The following RALGAPA2 variants were observed in gnomAD, a reference collection of about 807,000 sequenced individuals.
RALGAPA2 encodes Ral GTPase activating protein catalytic subunit alpha 2, also known as ral GTPase-activating protein subunit alpha-2.
In RALGAPA2, 139 loss-of-function variants were observed where a neutral mutation model predicts 230.4. The ratio of observed to expected loss-of-function variants is 0.60; its 90% CI spans 0.53 to 0.69. The LOEUF is 0.69. Ranked by LOEUF, RALGAPA2 falls within the 30% of genes least tolerant of loss-of-function variation. The pLI, the probability that RALGAPA2 is intolerant of heterozygous loss-of-function variation, is 0.00. For missense variants in RALGAPA2, 2,163 were observed against 2,276.0 expected (o/e 0.95, Z 1.01); for synonymous variants, 847 against 837.8 (o/e 1.01, Z -0.19).
At chr20:20,515,120 C>T (rs2062828615) in intron 31 of RALGAPA2, among the ~76,000 whole-genome samples, 1 of 152,232 alleles carries the variant, frequency 6.6e-6, no homozygotes, top group South Asian at 2.1e-4. Context: ...CCATGGACCA[C>T]TCCATTGCCT....
At chr20:20,639,669 C>A in intron 7 of RALGAPA2, 116 bp downstream of exon 7, 1 of 738,214 alleles carries the variant, frequency 1.4e-6, no homozygotes, top group Non-Finnish European at 2.2e-6. Flanking sequence ...CACATAAAAT[C>A]ACCTCAAAGA....
intron 1 of RALGAPA2, among the ~76,000 whole-genome samples, chr20:20,698,450 C>T (rs1568769878): frequency 6.6e-6 from 1 of 152,038 alleles, no homozygotes; most frequent in Admixed American, 6.6e-5. Flanking sequence ...AGTGTGGTGG[C>T]ACGATCTTGG....
chr20:20,575,060 G>A (rs1294328411), intron 20 of RALGAPA2, among the ~76,000 whole-genome samples: 1 of 152,100 alleles, frequency 6.6e-6, no homozygotes, highest in Non-Finnish European at 1.5e-5. Context: ...TGACCCCCAG[G>A]TATGACTCTC....
At chr20:20,558,409 T>G (rs1421805413) in intron 23 of RALGAPA2, among the ~76,000 whole-genome samples, 1 of 152,224 alleles carries the variant, frequency 6.6e-6, no homozygotes, top group Admixed American at 6.5e-5. Context: ...ATAACACCTT[T>G]TAAAACTATA....
chr20:20,637,288 A>G (rs1415861571), intron 8 of RALGAPA2, 75 bp downstream of exon 8: 6 of 1,205,522 alleles, frequency 5.0e-6, no homozygotes, highest in Non-Finnish European at 6.7e-6. Flanking sequence ...CTTTAAAATA[A>G]TCAAAGGTCA....
intron 12 of RALGAPA2, among the ~76,000 whole-genome samples, chr20:20,618,852 C>T (rs1195504856): frequency 6.6e-6 from 1 of 152,150 alleles, no homozygotes; most frequent in Admixed American, 6.5e-5. Context: ...AAAACTACAT[C>T]AGTCATTGTT....
At chr20:20,424,126 T>G (rs773745858) in intron 37 of RALGAPA2, among the ~76,000 whole-genome samples, 20 of 152,358 alleles carry the variant, frequency 1.3e-4, no homozygotes, top group Non-Finnish European at 2.4e-4. Flanking sequence ...GGATTTGGAC[T>G]ATGCTGTTAT....
In RALGAPA2 at chr20:20,489,248, CTG is replaced by C. The variant is rs141611448; in HGVS notation, c.5367+5867_5367+5868del. On this transcript the variant is annotated intron_variant, in intron 36 of 39. Coordinates refer to ENST00000202677, the MANE Select transcript of RALGAPA2 (RefSeq NM_020343.4). The stretch of plus-strand genomic sequence containing the variant: ...CAAATGGGAGCAAAGAAGGAGGAGA[CTG>C]TTAGTTCTACTAGTGATGACTAATA... Among the ~76,000 whole-genome samples, 126 of 152,260 alleles carry C rather than the reference CTG, an allele frequency of 8.3e-4. No homozygotes were observed. The East Asian group carries it at 0.021, about 25-fold the overall frequency.
intron 23 of RALGAPA2, among the ~76,000 whole-genome samples, chr20:20,566,822 A>G (rs1414503313): frequency 1.3e-5 from 2 of 152,244 alleles, no homozygotes; most frequent in East Asian, 1.9e-4. Flanking sequence ...AATACACTTT[A>G]TCACACTCTA....
intron 23 of RALGAPA2, among the ~76,000 whole-genome samples, chr20:20,548,651 A>T (rs1285294663): frequency 2.0e-5 from 3 of 152,226 alleles, no homozygotes; most frequent in African/African-American, 7.2e-5. Context: ...TTTAAGGTCC[A>T]TATCAGTCAA....
intron 25 of RALGAPA2, among the ~76,000 whole-genome samples, chr20:20,536,149 G>A (rs2063493704): frequency 6.6e-6 from 1 of 152,210 alleles, no homozygotes; most frequent in Non-Finnish European, 1.5e-5. Flanking sequence ...ATGTTTTATA[G>A]TTTGATTGAT....
chr20:20,678,772 A>G (rs2068423360), intron 2 of RALGAPA2, among the ~76,000 whole-genome samples: 1 of 152,098 alleles, frequency 6.6e-6, no homozygotes. Flanking sequence ...CACCTTCAAC[A>G]GCTCACCGCC....
chr20:20,557,614 C>T (rs1226307925), intron 23 of RALGAPA2, among the ~76,000 whole-genome samples: 4 of 152,130 alleles, frequency 2.6e-5, no homozygotes, highest in African/African-American at 7.2e-5. Flanking sequence ...GCCAATGATG[C>T]CAAGTAAAAT....
At chr20:20,553,391 A>C (rs1388758343) in intron 23 of RALGAPA2, among the ~76,000 whole-genome samples, 1 of 152,056 alleles carries the variant, frequency 6.6e-6, no homozygotes, top group Non-Finnish European at 1.5e-5. Flanking sequence ...GCCTCTACAA[A>C]AAATAAAAAA....
intron 1 of RALGAPA2, among the ~76,000 whole-genome samples, chr20:20,711,922 G>C (rs902528160): frequency 1.3e-5 from 2 of 152,146 alleles, no homozygotes; most frequent in Admixed American, 6.5e-5. Context: ...GGGGATGACA[G>C]AGATGAGAGC....
At chr20:20,553,098 T>C (rs2063975926) in intron 23 of RALGAPA2, among the ~76,000 whole-genome samples, 1 of 152,192 alleles carries the variant, frequency 6.6e-6, no homozygotes, top group South Asian at 2.1e-4. Context: ...GTGCTTTACA[T>C]TATGTGTTAA....
chr20:20,446,676 T>C (rs190759364), intron 37 of RALGAPA2, among the ~76,000 whole-genome samples: 8 of 152,326 alleles, frequency 5.3e-5, no homozygotes, highest in Admixed American at 1.3e-4. Context: ...TGGCTACAGG[T>C]ATAATGCAGA....
intron 24 of RALGAPA2, among the ~76,000 whole-genome samples, chr20:20,537,616 T>A (rs1328969820): frequency 1.9e-5 from 2 of 105,968 alleles, no homozygotes; most frequent in Non-Finnish European, 1.7e-5. Context: ...TGAGACTCCA[T>A]CTCAAAAAAA....
chr20:20,605,688 G>A (rs933191205), intron 14 of RALGAPA2, among the ~76,000 whole-genome samples: 3 of 152,088 alleles, frequency 2.0e-5, no homozygotes, highest in African/African-American at 7.2e-5. Context: ...AAAAGACAAA[G>A]CCCTCCGCAC....
Sources: allele counts gnomAD v4.1 joint callset (sites outside exome capture counted in the v4.1 genomes callset), GRCh38; gene constraint gnomAD v4.1.1; transcripts MANE v1.5; gene names NCBI Gene and HGNC (gene_info 2026-07-23, HGNC 2026-07-21).